WWOX: variants seen among roughly 807,000 people sequenced by gnomAD.
The protein encoded by WWOX is WW domain-containing oxidoreductase.
In WWOX, 69 loss-of-function variants were observed where a neutral mutation model predicts 46.2. That is an observed-to-expected ratio of 1.49 (90% confidence interval 1.23 to 1.82). The LOEUF (loss-of-function observed/expected upper bound fraction) is 1.82. Ranked by LOEUF, WWOX falls within the 40% of genes most tolerant of loss-of-function variation. The probability of loss-of-function intolerance (pLI) is 0.00; values close to 1 mark genes in which losing one functional copy is unlikely to be tolerated. For synonymous variants in WWOX, 359 were observed against 202.6 expected, an observed-to-expected ratio of 1.77 and a Z score of -6.56; for missense variants, 919 against 542.6, an observed-to-expected ratio of 1.69 and a Z score of -6.89.
intron 8 of WWOX, among the ~76,000 whole-genome samples, chr16:78,847,918 A>G (rs2052342902): frequency 6.6e-6 from 1 of 152,200 alleles, no homozygotes; most frequent in South Asian, 2.1e-4. Flanking sequence ...TTCGTTGCTT[A>G]CAACCCTGTG....
At chr16:79,179,939 G>A (rs2050876753) in intron 8 of WWOX, among the ~76,000 whole-genome samples, 1 of 152,202 alleles carries the variant, frequency 6.6e-6, no homozygotes, top group Admixed American at 6.5e-5. Flanking sequence ...AGGACACACA[G>A]GTGATGAAGT....
intron 8 of WWOX, among the ~76,000 whole-genome samples, chr16:78,517,386 G>C (rs2043257804): frequency 8.2e-6 from 1 of 121,908 alleles, no homozygotes; most frequent in Non-Finnish European, 1.6e-5. Context: ...AAAAGTAATA[G>C]AATGAGCAAT....
intron 8 of WWOX, among the ~76,000 whole-genome samples, chr16:78,728,888 A>G (rs2048897054): frequency 6.6e-6 from 1 of 152,190 alleles, no homozygotes; most frequent in African/African-American, 2.4e-5. Flanking sequence ...CAAGAATAAC[A>G]AACTATGCAT....
chr16:79,211,772 A>T lies in WWOX; in HGVS notation c.1221A>T (p.Glu407Asp). Residue 407 changes from glutamate to aspartate, a missense_variant, in exon 9 of 9, where the codon GAA becomes GAT. Transcript: ENST00000566780. ...LWALSERLIQ[E>D]RLGSQSG ...CGCTCAGCGAGAGGCTGATCCAAGA[A>T]CGGCTTGGCAGCCAGTCCGGCTAAG... is the stretch of plus-strand genomic sequence containing the variant. 1.2e-6 allele frequency: 2 copies of T among 1,614,084 alleles called. No individual in the cohort carries two copies. Among genetic ancestry groups the T allele is most frequent in the Non-Finnish European group, 1.7e-6 (2 of 1,179,980 alleles).
intron 8 of WWOX, among the ~76,000 whole-genome samples, chr16:78,761,716 C>T (rs968765227): frequency 6.6e-6 from 1 of 152,142 alleles, no homozygotes; most frequent in Non-Finnish European, 1.5e-5. Context: ...TCCTTTGTGG[C>T]ACTACAAGGT....
Position 78,103,482 on chromosome 16 carries a change from CT to C in WWOX, c.107+3598del, listed in dbSNP as rs752617444. ...CACTCTCTGGACCTTGTGTCCGTCC[CT>C]GCTGGCCCTCAGTTCTCTGGATCAG... On this transcript the variant is annotated intron_variant, in intron 1 of 8. Coordinates refer to ENST00000566780, the MANE Select transcript of WWOX (RefSeq NM_016373.4). Among the ~76,000 whole-genome samples, 389 of 152,108 alleles carry C rather than the reference CT, an allele frequency of 2.6e-3. 1 individual carries two copies. The highest frequency in any genetic ancestry group is 3.5e-3 in the Non-Finnish European group (241 of 67,988).
rs1044511649 is a variant in WWOX at position 78,346,647 on chromosome 16, A to G, written c.517-40213A>G. The stretch of plus-strand genomic sequence containing the variant: ...TTTTTTAATTGTGAAATATGTGAGT[A>G]TGATGAGTAATGATTTTGAACATGA... On this transcript the variant is annotated intron_variant, in intron 5 of 8. Coordinates refer to ENST00000566780, the MANE Select transcript of WWOX (RefSeq NM_016373.4). Among the ~76,000 whole-genome samples the G allele has an allele frequency of 2.7e-4, 32 of 120,048 alleles. 8 individuals carry two copies. The highest frequency in any genetic ancestry group is 8.2e-4 in the African/African-American group (29 of 35,514). The allele number at this position is 120,048 out of a possible 152,430, so 78.8% of individuals were successfully genotyped here.
In WWOX at chr16:78,917,968, G is replaced by A. The variant is rs558047982; in HGVS notation, c.1057-293640G>A. ...CATAATCTTAGCACTTTGGGAAGTT[G>A]AGGCAGGAGGGCCACTTGAGGCCAG... On this transcript the variant is annotated intron_variant, in intron 8 of 8. Transcript: ENST00000566780. Among the ~76,000 whole-genome samples the A allele has an allele frequency of 2.0e-5, 3 of 152,184 alleles. No individual in the cohort carries two copies. The South Asian group carries it at 6.2e-4, about 32-fold the overall frequency.
At chr16:78,905,009 C>G (rs143345622) in intron 8 of WWOX, among the ~76,000 whole-genome samples, 1 of 152,172 alleles carries the variant, frequency 6.6e-6, no homozygotes, top group Non-Finnish European at 1.5e-5. Flanking sequence ...GTTATTATAA[C>G]TACAGAAAAT....
chr16:79,152,027 G>T (rs2050289386), intron 8 of WWOX, among the ~76,000 whole-genome samples: 2 of 152,200 alleles, frequency 1.3e-5, no homozygotes, highest in African/African-American at 2.4e-5. Context: ...GTATTAAGCA[G>T]AAGTTGGGAA....
chr16:79,018,965 A>G (rs1319262497), intron 8 of WWOX, among the ~76,000 whole-genome samples: 2 of 151,942 alleles, frequency 1.3e-5, no homozygotes, highest in Admixed American at 6.6e-5. Context: ...AGCCTGGGCA[A>G]CATGGCAAAA....
At chr16:78,726,160 T>C (rs1159353414) in intron 8 of WWOX, among the ~76,000 whole-genome samples, 1 of 147,184 alleles carries the variant, frequency 6.8e-6, no homozygotes, top group South Asian at 2.3e-4. Context: ...TCTTTCTCTT[T>C]CTGTGTCTCT....
chr16:78,869,338 C>T (rs2044076010), intron 8 of WWOX, among the ~76,000 whole-genome samples: 1 of 152,050 alleles, frequency 6.6e-6, no homozygotes, highest in Non-Finnish European at 1.5e-5. Context: ...TCAGAAAGTG[C>T]CTACTTTTCC....
chr16:78,953,461 C>T (rs1450796224), intron 8 of WWOX, among the ~76,000 whole-genome samples: 1 of 143,412 alleles, frequency 7.0e-6, no homozygotes, highest in African/African-American at 2.7e-5. Flanking sequence ...GGACCTCTGC[C>T]CCACTCTATG....
intron 8 of WWOX, among the ~76,000 whole-genome samples, chr16:78,815,273 C>A (rs2051299596): frequency 6.7e-6 from 1 of 150,142 alleles, no homozygotes; most frequent in Non-Finnish European, 1.5e-5. Flanking sequence ...TGCAGTGAGC[C>A]AAGATTGTGC....
chr16:79,004,104 G>C (rs1019902414), intron 8 of WWOX: 3 of 152,116 alleles, frequency 2.0e-5, no homozygotes, highest in Non-Finnish European at 4.4e-5. Context: ...CATCTTGTTT[G>C]CATACTTGTC....
chr16:78,374,729 A>G (rs939565472), intron 5 of WWOX, among the ~76,000 whole-genome samples: 1 of 151,190 alleles, frequency 6.6e-6, no homozygotes, highest in South Asian at 2.1e-4. Context: ...TTTTTGTATT[A>G]TTAGTAGAGA....
chr16:78,213,885 C>A (rs1230340632), intron 5 of WWOX, among the ~76,000 whole-genome samples: 3 of 152,158 alleles, frequency 2.0e-5, no homozygotes, highest in African/African-American at 4.8e-5. Flanking sequence ...CTGGGGCCCC[C>A]AGGGCGGTTT....
At chr16:78,492,464 T>A (rs1174552209) in intron 8 of WWOX, among the ~76,000 whole-genome samples, 2 of 152,094 alleles carry the variant, frequency 1.3e-5, no homozygotes, top group African/African-American at 2.4e-5. Context: ...CAGCATCCAA[T>A]CCACATTGGA....
Sources: gnomAD v4.1 joint callset for allele counts (sites outside exome capture counted in the v4.1 genomes callset) on GRCh38, gnomAD v4.1.1 for gene constraint, MANE v1.5 for transcripts, NCBI Gene and HGNC (gene_info 2026-07-23, HGNC 2026-07-21) for gene names.